FAAH2: variants seen among roughly 807,000 people sequenced by gnomAD.
FAAH2 encodes the protein fatty-acid amide hydrolase 2.
A neutral mutation model predicts 36.9 loss-of-function variants in FAAH2; 60 were observed. The observed-to-expected ratio is 1.63, with a 90% confidence interval of 1.32 to 2.02. The LOEUF is 2.02. Among genes scored for constraint, FAAH2 ranks in the 30% most tolerant of loss-of-function variants. The pLI, the probability that FAAH2 is intolerant of heterozygous loss-of-function variation, is 0.00. For missense variants in FAAH2, 689 were observed against 397.5 expected, an observed-to-expected ratio of 1.73 and a Z score of -6.23; for synonymous variants, 214 against 143.8, an observed-to-expected ratio of 1.49 and a Z score of -3.49.
At chrX:57,479,052 G>A (rs1461231324) in intron 10 of FAAH2, among the ~76,000 whole-genome samples, 1 of 111,240 alleles carries the variant, frequency 9.0e-6, no homozygotes, top group Admixed American at 9.6e-5. Context: ...GATGGGGATG[G>A]CAATGAATGT....
chrX:57,421,655 C>A (rs751123160), intron 7 of FAAH2, among the ~76,000 whole-genome samples: 23 of 111,211 alleles, frequency 2.1e-4, no homozygotes, highest in Non-Finnish European at 3.8e-4. Flanking sequence ...TAAAGATTAT[C>A]TCTAGATACA....
chrX:57,246,209 G>A, the FAAH2 span, among the ~76,000 whole-genome samples: 1 of 111,818 alleles, frequency 8.9e-6, no homozygotes, highest in African/African-American at 3.3e-5. Context: ...CCAATAACAA[G>A]TTCTGAAATT....
At chrX:57,178,218 G>A in the FAAH2 span, among the ~76,000 whole-genome samples, 1 of 112,136 alleles carries the variant, frequency 8.9e-6, no homozygotes, top group African/African-American at 3.2e-5. Flanking sequence ...TTTCTCAAAT[G>A]CCAGCTCTAG....
chrX:57,139,801 C>T, the FAAH2 span, among the ~76,000 whole-genome samples: 1 of 111,694 alleles, frequency 9.0e-6, no homozygotes, highest in Non-Finnish European at 1.9e-5. Flanking sequence ...GATGCCCCAG[C>T]TTAGTTCTTT....
the FAAH2 span, among the ~76,000 whole-genome samples, chrX:57,235,806 G>A: frequency 8.9e-6 from 1 of 112,517 alleles, no homozygotes; most frequent in African/African-American, 3.2e-5. Context: ...AGTGTTGTTA[G>A]CATGCCCATC....
chrX:57,354,647 G>T (rs2054116139), intron 5 of FAAH2, among the ~76,000 whole-genome samples: 1 of 110,533 alleles, frequency 9.0e-6, no homozygotes, highest in African/African-American at 3.3e-5. Flanking sequence ...TGTCATCTAA[G>T]TAAACCTTTG....
intron 10 of FAAH2, among the ~76,000 whole-genome samples, chrX:57,476,487 C>G (rs1048540243): frequency 1.8e-5 from 2 of 111,295 alleles, no homozygotes; most frequent in Non-Finnish European, 3.8e-5. Flanking sequence ...TGATGGATTA[C>G]GTTTTGATTT....
At chrX:57,176,610 G>A in the FAAH2 span, among the ~76,000 whole-genome samples, 2 of 111,658 alleles carry the variant, frequency 1.8e-5, no homozygotes, top group Admixed American at 9.5e-5. Context: ...CAATGCTGGA[G>A]AGATAGTATG....
At chrX:57,338,267 G>A (rs749090435) in intron 4 of FAAH2, among the ~76,000 whole-genome samples, 32 of 111,365 alleles carry the variant, frequency 2.9e-4, no homozygotes, top group African/African-American at 2.9e-4. Context: ...AGTGGAGGTC[G>A]CAAGGTGCTC....
At chrX:57,135,545 GA>G in the FAAH2 span, 1 of 431,874 alleles carries the variant, frequency 2.3e-6, no homozygotes, top group Non-Finnish European at 3.8e-6. Flanking sequence ...GATTCTAGCT[GA>G]ACTTTATTCA....
At chrX:57,167,575 T>G in the FAAH2 span, among the ~76,000 whole-genome samples, 1 of 111,472 alleles carries the variant, frequency 9.0e-6, no homozygotes, top group South Asian at 3.7e-4. Flanking sequence ...TGATTTTTTT[T>G]TGTCTTTTCA....
chrX:57,409,320 GA>G (rs1208983642), intron 7 of FAAH2, among the ~76,000 whole-genome samples: 6 of 111,192 alleles, frequency 5.4e-5, no homozygotes, highest in South Asian at 3.7e-4. Context: ...TTATGTTGAA[GA>G]TTTTTGTGTT....
At chrX:57,487,200 T>C (rs1229336384) in intron 10 of FAAH2, among the ~76,000 whole-genome samples, 2 of 109,975 alleles carry the variant, frequency 1.8e-5, no homozygotes, top group African/African-American at 6.6e-5. Context: ...GAAACATGAG[T>C]ACATCTTCAT....
chrX:57,275,508 T>G, the FAAH2 span, among the ~76,000 whole-genome samples: 3 of 112,027 alleles, frequency 2.7e-5, no homozygotes, highest in Non-Finnish European at 3.8e-5. Context: ...AGGAAGAAAC[T>G]GAATCAATTA....
intron 7 of FAAH2, among the ~76,000 whole-genome samples, chrX:57,407,485 C>G (rs981040271): frequency 8.9e-6 from 1 of 112,093 alleles, no homozygotes; most frequent in Non-Finnish European, 1.9e-5. Context: ...AATACCCTAC[C>G]TAACCTGTCC....
chrX:57,457,124 G>A (rs184887917), intron 10 of FAAH2, among the ~76,000 whole-genome samples: 43 of 111,829 alleles, frequency 3.8e-4, no homozygotes, highest in Admixed American at 2.0e-3. Context: ...TTTTATTTCT[G>A]GGATGCAAGG....
At position 57,346,541 on chromosome X, in the gene FAAH2, G is replaced by A. The variant is rs1390436986; in HGVS notation, c.742+5151G>A. Among the ~76,000 whole-genome samples, 15 of 112,016 alleles carry A rather than the reference G, an allele frequency of 1.3e-4. No homozygotes were observed. In the Admixed American group the frequency reaches 1.4e-3, roughly 11 times the overall value. Reference sequence around the variant, plus strand: ...ATGTGAGAGAAATTCCTTGAAGAGAGCAGATGGTTGCCTTTTTAGTTTGGT... The same window carrying A: ...ATGTGAGAGAAATTCCTTGAAGAGAACAGATGGTTGCCTTTTTAGTTTGGT... On this transcript the variant is annotated intron_variant, in intron 5 of 10. Transcript: ENST00000374900.
chrX:57,466,969 T>C (rs1316006435), intron 10 of FAAH2, among the ~76,000 whole-genome samples: 1 of 111,605 alleles, frequency 9.0e-6, no homozygotes, highest in Non-Finnish European at 1.9e-5. Flanking sequence ...CAAGGAATCT[T>C]GGCTTATAGA....
chrX:57,180,421 G>C, the FAAH2 span, among the ~76,000 whole-genome samples: 1 of 111,258 alleles, frequency 9.0e-6, no homozygotes, highest in South Asian at 3.7e-4. Flanking sequence ...AATGACTAAA[G>C]AAGTATTACC....
Sources: gnomAD v4.1 joint callset for allele counts (sites outside exome capture counted in the v4.1 genomes callset) on GRCh38, gnomAD v4.1.1 for gene constraint, MANE v1.5 for transcripts, NCBI Gene and HGNC (gene_info 2026-07-23, HGNC 2026-07-21) for gene names.